The following SDK1 variants were observed in gnomAD, a reference collection of about 807,000 sequenced individuals.
The protein encoded by SDK1 is protein sidekick-1.
A neutral mutation model predicts 245.5 loss-of-function variants in SDK1; 157 were observed. The ratio of observed to expected loss-of-function variants is 0.64; its 90% confidence interval spans 0.56 to 0.73. The LOEUF (loss-of-function observed/expected upper bound fraction) is 0.73. Ranked by LOEUF, SDK1 falls within the 30% of genes least tolerant of loss-of-function variation. SDK1 has a pLI of 0.00. For synonymous variants in SDK1, 1,647 were observed against 1,278.5 expected (o/e 1.29, Z -6.15); for missense variants, 3,583 against 3,002.3 (o/e 1.19, Z -4.52).
chr7:4,079,691 G>A, intron 22 of SDK1, 107 bp downstream of exon 22: 1 of 1,491,168 alleles, frequency 6.7e-7, no homozygotes. Context: ...GGGGAGATGG[G>A]TGTGCTTGGA....
chr7:3,941,873 A>G (rs1780380778), intron 5 of SDK1, among the ~76,000 whole-genome samples: 2 of 151,826 alleles, frequency 1.3e-5, no homozygotes, highest in African/African-American at 2.4e-5. Context: ...TGCTGGTGAT[A>G]ACCAGCCGTG....
intron 1 of SDK1, among the ~76,000 whole-genome samples, chr7:3,564,040 C>G (rs1227294744): frequency 6.6e-6 from 1 of 151,850 alleles, no homozygotes; most frequent in African/African-American, 2.4e-5. Context: ...GGATGTAGTT[C>G]AAGCAGTACT....
intron 4 of SDK1, among the ~76,000 whole-genome samples, chr7:3,802,098 T>G (rs960031146): frequency 7.2e-5 from 11 of 152,238 alleles, no homozygotes; most frequent in African/African-American, 2.7e-4. Flanking sequence ...AAGTTCCATG[T>G]ACCCTTCACC....
chr7:4,193,380 A>ATTAAAATATT (rs1783352922), intron 35 of SDK1, among the ~76,000 whole-genome samples: 1 of 135,776 alleles, frequency 7.4e-6, no homozygotes, highest in Non-Finnish European at 1.5e-5. Context: ...ATTTATATAT[A>ATTAAAATATT]TATATATATA....
At chr7:4,143,507 A>C (rs1036726889) in intron 28 of SDK1, among the ~76,000 whole-genome samples, 11 of 152,096 alleles carry the variant, frequency 7.2e-5, no homozygotes, top group African/African-American at 1.2e-4. Flanking sequence ...TAGTCCAGCA[A>C]ACTGAGGCTG....
intron 1 of SDK1, among the ~76,000 whole-genome samples, chr7:3,364,131 C>G (rs1372713959): frequency 6.6e-6 from 1 of 152,104 alleles, no homozygotes; most frequent in Non-Finnish European, 1.5e-5. Flanking sequence ...CATTTTCTAA[C>G]TGGATCGTTT....
At chr7:3,971,336 A>T in intron 11 of SDK1, 130 bp from the exon 12 acceptor site, 1 of 671,142 alleles carries the variant, frequency 1.5e-6, no homozygotes, top group Non-Finnish European at 2.7e-6. Context: ...TGATCCATTT[A>T]CACTCATTCT....
chr7:3,847,801 G>A (rs1174835023), intron 5 of SDK1, among the ~76,000 whole-genome samples: 1 of 152,206 alleles, frequency 6.6e-6, no homozygotes, highest in African/African-American at 2.4e-5. Flanking sequence ...TCTGAATGGA[G>A]CAACTAGAAT....
chr7:4,121,090 C>G (rs1784032698), intron 25 of SDK1, among the ~76,000 whole-genome samples: 2 of 151,784 alleles, frequency 1.3e-5, no homozygotes, highest in African/African-American at 4.8e-5. Context: ...GGTTTTTCTT[C>G]TGACTTTGTT....
chr7:3,520,324 C>G (rs1782894619), intron 1 of SDK1, among the ~76,000 whole-genome samples: 1 of 152,152 alleles, frequency 6.6e-6, no homozygotes, highest in South Asian at 2.1e-4. Flanking sequence ...AGGTTGTCAA[C>G]CTAGGTAAGA....
intron 5 of SDK1, among the ~76,000 whole-genome samples, chr7:3,832,018 T>C (rs1196387672): frequency 6.6e-6 from 1 of 152,090 alleles, no homozygotes; most frequent in Non-Finnish European, 1.5e-5. Context: ...ACCACTGTAC[T>C]CCAGCCTGGG....
chr7:3,637,540 A>G (rs1033176503), intron 2 of SDK1, among the ~76,000 whole-genome samples: 1 of 152,200 alleles, frequency 6.6e-6, no homozygotes, highest in African/African-American at 2.4e-5. Context: ...TGTAAGACGC[A>G]TTTCGAGTGG....
rs1356964778 is a variant in SDK1 at position 3,933,934 on chromosome 7, C to T, written c.848-16989C>T. Reference sequence around the variant, plus strand: ...TTGGCGCTTGGTTCTGTGTGTTTTTCCCATGGCTAGGGGAAGGTGTGGAAG... The same window carrying T: ...TTGGCGCTTGGTTCTGTGTGTTTTTTCCATGGCTAGGGGAAGGTGTGGAAG... On this transcript the variant is annotated intron_variant, in intron 5 of 44. Transcript: ENST00000404826. 4.6e-5 allele frequency among the ~76,000 whole-genome samples: 7 copies of T among 152,220 alleles called. No individual in the cohort carries two copies. In the East Asian group the frequency reaches 1.4e-3, roughly 29 times the overall value.
At chr7:3,642,806 C>T (rs534226624) in intron 4 of SDK1, 36 of 152,282 alleles carry the variant, frequency 2.4e-4, no homozygotes, top group African/African-American at 8.7e-4. Context: ...AATTTAAAGA[C>T]AATATTCCAA....
At chr7:3,439,643 A>C (rs947304347) in intron 1 of SDK1, among the ~76,000 whole-genome samples, 1 of 152,168 alleles carries the variant, frequency 6.6e-6, no homozygotes, top group South Asian at 2.1e-4. Flanking sequence ...AAGTCAGTAC[A>C]TTTCTCTTTT....
At chr7:3,715,728 C>T (rs912403063) in intron 4 of SDK1, among the ~76,000 whole-genome samples, 49 of 151,998 alleles carry the variant, frequency 3.2e-4, no homozygotes, top group African/African-American at 7.0e-4. Context: ...ATATCGAAAA[C>T]GTCCACAGAG....
intron 1 of SDK1, among the ~76,000 whole-genome samples, chr7:3,436,675 C>T (rs537616039): frequency 1.5e-3 from 230 of 152,056 alleles, no homozygotes; most frequent in Non-Finnish European, 2.8e-3. Context: ...TTATTTTTAT[C>T]GTGTAATATT....
At chr7:3,735,846 T>C (rs571740928) in intron 4 of SDK1, among the ~76,000 whole-genome samples, 1 of 152,342 alleles carries the variant, frequency 6.6e-6, no homozygotes, top group African/African-American at 2.4e-5. Context: ...TTTTGTTATT[T>C]ATTTATTTAT....
At chr7:4,031,201 G>C (rs1383687601) in intron 17 of SDK1, among the ~76,000 whole-genome samples, 16 of 152,056 alleles carry the variant, frequency 1.1e-4, no homozygotes, top group Admixed American at 1.0e-3. Context: ...ACGTACATCT[G>C]TACATCCTCA....
Sources: allele counts gnomAD v4.1 joint callset (sites outside exome capture counted in the v4.1 genomes callset), GRCh38; gene constraint gnomAD v4.1.1; transcripts MANE v1.5; gene names NCBI Gene and HGNC (gene_info 2026-07-23, HGNC 2026-07-21).